ANKAR: variants seen among roughly 807,000 people sequenced by gnomAD.
ANKAR encodes the protein ankyrin and armadillo repeat containing.
Under a neutral mutation model 146.2 loss-of-function variants are expected in ANKAR, and 136 were observed. The observed-to-expected ratio is 0.93, with a 90% CI of 0.81 to 1.07. The LOEUF is 1.07. Ranked by LOEUF, ANKAR falls within the 50% of genes least tolerant of loss-of-function variation. The probability of loss-of-function intolerance (pLI) is 0.00; values close to 1 mark genes in which losing one functional copy is unlikely to be tolerated. For synonymous variants in ANKAR, 500 were observed against 575.8 expected, an observed-to-expected ratio of 0.87 and a Z score of 1.88; for missense variants, 1,567 against 1,679.9, an observed-to-expected ratio of 0.93 and a Z score of 1.18.
At chr2:189,721,665 A>G (rs979685425) in intron 12 of ANKAR, among the ~76,000 whole-genome samples, 2 of 152,200 alleles carry the variant, frequency 1.3e-5, no homozygotes, top group African/African-American at 2.4e-5. Flanking sequence ...TGGGTTCTGT[A>G]AGAATAATTT....
At chr2:189,716,741 G>C in intron 10 of ANKAR, among the ~76,000 whole-genome samples, 1 of 152,012 alleles carries the variant, frequency 6.6e-6, no homozygotes, top group Non-Finnish European at 1.5e-5. Context: ...CCAAAACAGA[G>C]ATATAGACCA....
chr2:189,744,923 C>G, intron 22 of ANKAR, 135 bp downstream of exon 22: 1 of 602,208 alleles, frequency 1.7e-6, no homozygotes, highest in South Asian at 1.8e-5. Context: ...TTTGGGAGGC[C>G]GAGGTGGGCA....
rs769165318 is a variant in ANKAR at position 189,727,946 on chromosome 2, T to G, written c.2726T>G (p.Ile909Ser). 1.9e-5 allele frequency: 31 copies of G among 1,614,074 alleles called. No individual in the cohort carries two copies. The highest frequency in any genetic ancestry group is 2.6e-5 in the Non-Finnish European group (31 of 1,179,978). ...GATGCTATAGCTATGGAGGGAGCGA[T>G]TCCTCCTCTGGTGGCTCTTTTTAAA... ...IQDAIAMEGA[I>S]PPLVALFKGK... Residue 909 changes from isoleucine to serine, a missense_variant, in exon 13 of 23, where the codon ATT (isoleucine) becomes AGT (serine). Coordinates refer to ENST00000684021, the MANE Select transcript of ANKAR (RefSeq NM_001378068.1).
intron 18 of ANKAR, among the ~76,000 whole-genome samples, chr2:189,760,802 G>GA (rs376762507): frequency 9.5e-5 from 14 of 147,700 alleles, no homozygotes; most frequent in East Asian, 4.0e-4. Flanking sequence ...CAAAAAAAAA[G>GA]AAAAAAAAAA....
At chr2:189,728,175 A>C in intron 13 of ANKAR, 78 bp downstream of exon 13, 1 of 1,502,256 alleles carries the variant, frequency 6.7e-7, no homozygotes, top group Non-Finnish European at 8.9e-7. Flanking sequence ...TAGAAAAACT[A>C]AACCAATTCT....
Position 189,674,713 on chromosome 2 carries a change from G to A in ANKAR, c.-153G>A, listed in dbSNP as rs796429804. The A allele has an allele frequency of 6.6e-5, 10 of 152,454 alleles. No individual in the cohort carries two copies. Among genetic ancestry groups the A allele is most frequent in the African/African-American group, 2.2e-4 (9 of 41,588 alleles). 9.4% of individuals were successfully genotyped at this position (152,454 alleles called of 1,614,324 possible). On this transcript the variant is annotated 5_prime_UTR_variant, in exon 1 of 23. Coordinates refer to ENST00000684021, the MANE Select transcript of ANKAR (RefSeq NM_001378068.1). ...TCCCGCTCGCCCTTGCGGAGGCCCT[G>A]AGGGCGGATTCAAGGCCCCGCGAGA...
Position 189,676,608 on chromosome 2 carries a change from C to T in ANKAR, c.118C>T (p.Arg40Trp), listed in dbSNP as rs758029029. 10 of 1,613,642 alleles carry T rather than the reference C, an allele frequency of 6.2e-6. No individual in the cohort carries two copies. In the East Asian group the frequency reaches 6.7e-5, roughly 11 times the overall value. ...NASAFFEKYDRSEIQELLTTA... is the reference protein window; with the variant it reads ...NASAFFEKYDWSEIQELLTTA... ...ATCTGCTTTTTTTGAAAAATATGATCGGAGTGAAATACAAGAGTTACTAAC... is the reference window on the plus strand; with the variant it reads ...ATCTGCTTTTTTTGAAAAATATGATTGGAGTGAAATACAAGAGTTACTAAC... Residue 40 changes from arginine (R) to tryptophan (W), a missense_variant, in exon 2 of 23, where the codon CGG (arginine) becomes TGG (tryptophan). Coordinates refer to ENST00000684021, the MANE Select transcript of ANKAR (RefSeq NM_001378068.1).
chr2:189,707,928 C>G (rs2039174432), intron 9 of ANKAR, among the ~76,000 whole-genome samples: 1 of 152,172 alleles, frequency 6.6e-6, no homozygotes, highest in Non-Finnish European at 1.5e-5. Flanking sequence ...CATAAATCCT[C>G]AAAAGGCTTG....
chr2:189,751,690 C>A (rs1041272618), intron 18 of ANKAR, among the ~76,000 whole-genome samples: 2 of 151,530 alleles, frequency 1.3e-5, no homozygotes, highest in Admixed American at 1.3e-4. Flanking sequence ...GATGATCTGC[C>A]CACCTCAGCC....
chr2:189,690,768 G>A (rs1336943634), intron 3 of ANKAR, among the ~76,000 whole-genome samples: 1 of 152,138 alleles, frequency 6.6e-6, no homozygotes, highest in Non-Finnish European at 1.5e-5. Flanking sequence ...TTATGACAGG[G>A]CATGGCTCTT....
chr2:189,677,105 AC>A lies in ANKAR; in HGVS notation c.601+15del, dbSNP rs1478187103. On this transcript the variant is annotated intron_variant, in intron 2 of 22. Transcript: ENST00000684021. ...TTAGTTCAGCAGGTAAGAGAATTTAACACTTCTTAAATTTTTTTTTTTTTTT... is the reference window on the plus strand; with the variant it reads ...TTAGTTCAGCAGGTAAGAGAATTTAAACTTCTTAAATTTTTTTTTTTTTTT... 6.8e-7 allele frequency: 1 copy of A among 1,465,678 alleles called. No homozygotes were observed. The highest frequency in any genetic ancestry group is 1.4e-5 in the South Asian group (1 of 69,606). 90.8% of individuals were successfully genotyped at this position (1,465,678 alleles called of 1,614,324 possible).
rs1239395359 is a variant in ANKAR at position 189,706,994 on chromosome 2, A to G, written c.1967A>G (p.Gln656Arg). The G allele has an allele frequency of 2.5e-6, 4 of 1,613,800 alleles. No individual in the cohort carries two copies. Among genetic ancestry groups the G allele is most frequent in the Non-Finnish European group, 3.4e-6 (4 of 1,179,852 alleles). Reference protein sequence around the residue: ...AATSGALDTIQYLFSIGANWR... With the variant: ...AATSGALDTIRYLFSIGANWR... ...ACTTCAGGAGCACTGGACACTATTC[A>G]ATACCTGTTTTCTATCGGTGCTAAC... The change falls in exon 9 of 23, where the codon CAA becomes CGA. Residue 656 changes from glutamine to arginine, a missense_variant. Physicochemically the swap from Gln to Arg is conservative, Grantham distance 43. Coordinates refer to ENST00000684021, the MANE Select transcript of ANKAR (RefSeq NM_001378068.1).
intron 9 of ANKAR, among the ~76,000 whole-genome samples, chr2:189,710,586 A>G (rs1201003427): frequency 2.0e-5 from 3 of 152,060 alleles, no homozygotes; most frequent in African/African-American, 7.2e-5. Flanking sequence ...GATTGCTTGA[A>G]CCCAAGAGTT....
chr2:189,690,865 TG>T (rs1352150537), intron 3 of ANKAR, among the ~76,000 whole-genome samples: 2 of 152,184 alleles, frequency 1.3e-5, no homozygotes, highest in African/African-American at 4.8e-5. Context: ...ACTTAAACTA[TG>T]GGAAGCAAAT....
intron 18 of ANKAR, chr2:189,752,837 C>T: frequency 6.2e-7 from 1 of 1,613,434 alleles, no homozygotes; most frequent in Non-Finnish European, 8.5e-7. Flanking sequence ...GCACGTATAT[C>T]CTGTGGCTTA....
Position 189,705,204 on chromosome 2 carries a change from A to G in ANKAR, c.1890A>G (p.Leu630=), listed in dbSNP as rs778536447. ...IALCRKDPSL[L]EAEATAENQC... Reference sequence around the variant, plus strand: ...TCTGTAGGAAGGATCCTAGTTTGCTAGAAGCTGAGGCAACAGCTGAGTAAG... The same window carrying G: ...TCTGTAGGAAGGATCCTAGTTTGCTGGAAGCTGAGGCAACAGCTGAGTAAG... The change falls in exon 8 of 23, where the codon CTA becomes CTG. Residue 630 remains leucine, a synonymous_variant. Transcript: ENST00000684021. 4 of 1,614,108 alleles carry G rather than the reference A, an allele frequency of 2.5e-6. No individual in the cohort carries two copies. The highest frequency in any genetic ancestry group is 3.4e-6 in the Non-Finnish European group (4 of 1,179,982).
At position 189,705,014 on chromosome 2, in the gene ANKAR, C is replaced by A; in HGVS notation, c.1709-9C>A. 1 of 1,613,166 alleles carries A rather than the reference C, an allele frequency of 6.2e-7. No homozygotes were observed. The highest frequency in any genetic ancestry group is 8.5e-7 in the Non-Finnish European group (1 of 1,179,470). On this transcript the variant is annotated splice_polypyrimidine_tract_variant and intron_variant, in intron 7 of 22. Transcript: ENST00000684021. ...TGTGATCACTGAAGTAATTGTCCAT[C>A]CATTCTAGGTCCAACACCTCTACAC...
At chr2:189,706,899 C>A in intron 8 of ANKAR, 39 bp from the exon 9 acceptor site, 1 of 1,527,104 alleles carries the variant, frequency 6.5e-7, no homozygotes, top group Non-Finnish European at 8.9e-7. Flanking sequence ...AAATTTGACA[C>A]TCTATGCGTG....
At chr2:189,762,518 G>C (rs2047252561), downstream of ANKAR, 1 of 865,358 alleles carries the variant, frequency 1.2e-6, no homozygotes, top group African/African-American at 1.8e-5. Flanking sequence ...AAGGAGGATT[G>C]TACGAAGCAC....
Sources: allele counts gnomAD v4.1 joint callset (sites outside exome capture counted in the v4.1 genomes callset), GRCh38; gene constraint gnomAD v4.1.1; transcripts MANE v1.5; gene names NCBI Gene and HGNC (gene_info 2026-07-23, HGNC 2026-07-21).